Variants in DNAH10 observed in about 807,000 individuals in gnomAD.
The protein encoded by DNAH10 is dynein axonemal heavy chain 10.
A neutral mutation model predicts 506.6 loss-of-function variants in DNAH10; 348 were observed. The ratio of observed to expected loss-of-function variants is 0.69; its 90% confidence interval spans 0.63 to 0.75. The LOEUF is 0.75. Among genes scored for constraint, DNAH10 ranks in the 30% least tolerant of loss-of-function variants. The pLI, the probability that DNAH10 is intolerant of heterozygous loss-of-function variation, is 0.00. For synonymous variants in DNAH10, 2,059 were observed against 2,198.6 expected, an observed-to-expected ratio of 0.94 and a Z score of 1.78; for missense variants, 5,179 against 5,787.1, an observed-to-expected ratio of 0.89 and a Z score of 3.41.
chr12:123,932,637 A>G (rs4930720), intron 76 of DNAH10: 154,051 of 154,482 alleles, frequency 1, 76,813 homozygotes, highest in Non-Finnish European at 1. Flanking sequence ...GATGGTTCTT[A>G]GAAAGGCTGA....
rs369082437 is a variant in DNAH10, at chr12:123,841,448, G to T, written c.5263G>T (p.Val1755Leu). Residue 1755 changes from valine (V) to leucine (L), a missense_variant, in exon 30 of 79, where the codon GTG becomes TTG. Coordinates refer to ENST00000673944, the MANE Select transcript of DNAH10 (RefSeq NM_001372106.1). ...GAAGATCTTGCGGGCTGAAGGGCGC[G>T]TGGAGGACTGGATGACGGCAGTTTT... The part of the protein sequence containing the change: ...FRKILRAEGR[V>L]EDWMTAVLNE... 42 of 1,613,890 alleles carry T rather than the reference G, an allele frequency of 2.6e-5. No individual in the cohort carries two copies. Among genetic ancestry groups the T allele is most frequent in the Non-Finnish European group, 3.5e-5 (41 of 1,179,904 alleles).
intron 21 of DNAH10, among the ~76,000 whole-genome samples, chr12:123,815,815 G>C (rs1262556538): frequency 6.6e-6 from 1 of 152,146 alleles, no homozygotes; most frequent in Non-Finnish European, 1.5e-5. Flanking sequence ...TAGGCCATAT[G>C]GTAGAACCTA....
At chr12:123,794,311 T>G (rs994555372) in intron 12 of DNAH10, among the ~76,000 whole-genome samples, 199 bp downstream of exon 12, 1 of 152,222 alleles carries the variant, frequency 6.6e-6, no homozygotes, top group Non-Finnish European at 1.5e-5. Flanking sequence ...AAGAATTAAG[T>G]ATATTATGAT....
intron 51 of DNAH10, 45 bp from the exon 52 acceptor site, chr12:123,887,097 A>T: frequency 6.5e-7 from 1 of 1,545,628 alleles, no homozygotes; most frequent in Non-Finnish European, 8.7e-7. Context: ...CAGGGAAGGG[A>T]GGCTGGTGGT....
In DNAH10 at chr12:123,840,408, T is replaced by G. The variant is rs1478913914; in HGVS notation, c.5137-914T>G. Among the ~76,000 whole-genome samples the G allele has an allele frequency of 2.1e-5, 3 of 140,120 alleles. No individual in the cohort carries two copies. The East Asian group carries it at 6.1e-4, about 28-fold the overall frequency. 91.9% of individuals were successfully genotyped at this position (140,120 alleles called of 152,430 possible). A position where few individuals can be genotyped will look rare whatever the true frequency, so the allele number is the denominator to read the frequency against. On this transcript the variant is annotated intron_variant, in intron 29 of 78. Coordinates refer to ENST00000673944, the MANE Select transcript of DNAH10 (RefSeq NM_001372106.1). Reference sequence around the variant, plus strand: ...TTCTGTTTCCAGTTTTTTTTTTTTTTTTTTTTTTTTTTTTCAGACAGGGCG... The same window carrying G: ...TTCTGTTTCCAGTTTTTTTTTTTTTGTTTTTTTTTTTTTTCAGACAGGGCG...
At chr12:123,869,659 G>C (rs1257968478) in intron 43 of DNAH10, among the ~76,000 whole-genome samples, 1 of 152,142 alleles carries the variant, frequency 6.6e-6, no homozygotes, top group Non-Finnish European at 1.5e-5. Context: ...TCCTTTTACA[G>C]TGGAAGAGGC....
At chr12:123,782,998 T>G in intron 6 of DNAH10, 109 bp from the exon 7 acceptor site, 1 of 942,270 alleles carries the variant, frequency 1.1e-6, no homozygotes, top group Non-Finnish European at 1.7e-6. Flanking sequence ...CGTCAGACCT[T>G]ATTATACTGA....
Position 123,853,819 on chromosome 12 carries a change from C to T in DNAH10, c.6438+467C>T, listed in dbSNP as rs890909234. 6.6e-6 allele frequency among the ~76,000 whole-genome samples: 1 copy of T among 151,390 alleles called. No individual in the cohort carries two copies. The highest frequency in any genetic ancestry group is 2.4e-5 in the African/African-American group (1 of 40,974). The stretch of plus-strand genomic sequence containing the variant: ...GACTGTACTCAATGTTGCACGCACA[C>T]ACGCACGCACACACACGCACACGCA... On this transcript the variant is annotated intron_variant, in intron 36 of 78. Transcript: ENST00000673944. The surrounding 1 kb of genome is among the most constrained non-coding windows in gnomAD (Gnocchi z 4.7).
At position 123,919,837 on chromosome 12, in the gene DNAH10, C is replaced by T. The variant is rs1176363722; in HGVS notation, c.11506+888C>T. ...AGTCACATTCCATGTATGGACAGAC[C>T]GCACTGTGTTTATCCACCCGTCACC... On this transcript the variant is annotated intron_variant, in intron 65 of 78. Transcript: ENST00000673944. The surrounding 1 kb of genome is among the most constrained non-coding windows in gnomAD (Gnocchi z 4.9). Among the ~76,000 whole-genome samples the T allele has an allele frequency of 6.6e-6, 1 of 152,212 alleles. No individual in the cohort carries two copies. The highest frequency in any genetic ancestry group is 6.5e-5 in the Admixed American group (1 of 15,290).
intron 11 of DNAH10, among the ~76,000 whole-genome samples, chr12:123,792,363 A>G (rs1958109176): frequency 2.0e-5 from 3 of 151,988 alleles, no homozygotes; most frequent in African/African-American, 7.3e-5. Context: ...ATACTTAAAC[A>G]TATCAGTGCC....
At chr12:123,859,641 C>T (rs974583404) in intron 38 of DNAH10, among the ~76,000 whole-genome samples, 55 of 152,198 alleles carry the variant, frequency 3.6e-4, no homozygotes, top group African/African-American at 1.2e-3. Flanking sequence ...TTCGCAGTGG[C>T]CAGAAAACGA....
At chr12:123,764,391 C>CT (rs1203247035) in intron 1 of DNAH10, among the ~76,000 whole-genome samples, 1 of 152,066 alleles carries the variant, frequency 6.6e-6, no homozygotes, top group East Asian at 1.9e-4. Context: ...GATGTAGGCA[C>CT]TTTCATTGGC....
chr12:123,933,375 C>A lies in DNAH10; in HGVS notation c.13341C>A (p.His4447Gln). 6.2e-7 allele frequency: 1 copy of A among 1,608,556 alleles called. No individual in the cohort carries two copies. Among genetic ancestry groups the A allele is most frequent in the South Asian group, 1.1e-5 (1 of 90,490 alleles). ...EPSVMWLSGL[H>Q]IPESYLTALV... Reference sequence around the variant, plus strand: ...GCGTGATGTGGCTCTCGGGGCTGCACATCCCTGAGTCCTACCTCACGGCGC... The same window carrying A: ...GCGTGATGTGGCTCTCGGGGCTGCAAATCCCTGAGTCCTACCTCACGGCGC... The change falls in exon 77 of 79, where the codon CAC (histidine) becomes CAA (glutamine). Residue 4447 changes from histidine to glutamine, a missense_variant. Physicochemically the swap from His to Gln is conservative, Grantham distance 24. This residue lies in a region of DNAH10 where 4,844 missense variants were observed against 5,430.5 expected (regional missense o/e 0.89). Transcript: ENST00000673944.
chr12:123,767,073 T>C (rs1957075733), intron 1 of DNAH10, among the ~76,000 whole-genome samples: 1 of 151,636 alleles, frequency 6.6e-6, no homozygotes, highest in African/African-American at 2.4e-5. Context: ...ACCCAGCTAA[T>C]TTTTTTGTAT....
In DNAH10 at chr12:123,928,180, G is replaced by T. The variant is rs75564830; in HGVS notation, c.12106-207G>T. On this transcript the variant is annotated intron_variant, in intron 69 of 78. Transcript: ENST00000673944. The surrounding 1 kb of genome is among the most constrained non-coding windows in gnomAD (Gnocchi z 4.9). ...CTCACCCATCTTCCAGGCTGGGTGT[G>T]ACCAGCTCAGTGCACCCACGGGGCC... The T allele has an allele frequency of 5.3e-4, 327 of 619,600 alleles. 2 individuals carry two copies. In the East Asian group the frequency reaches 9.0e-3, roughly 17 times the overall value. The allele number at this position is 619,600 out of a possible 1,614,324, so 38.4% of individuals were successfully genotyped here.
chr12:123,918,610 G>GC (rs1333227931), intron 64 of DNAH10, 66 bp from the exon 65 acceptor site: 3 of 1,505,396 alleles, frequency 2.0e-6, no homozygotes, highest in Non-Finnish European at 2.7e-6. Flanking sequence ...CTGTCCCCCT[G>GC]CCCCTCCTGC....
At chr12:123,825,845 A>G (rs1028915679) in intron 24 of DNAH10, among the ~76,000 whole-genome samples, 2 of 152,210 alleles carry the variant, frequency 1.3e-5, no homozygotes, top group African/African-American at 4.8e-5. Flanking sequence ...AAAACAGGCC[A>G]GGTGTGGTGG....
At position 123,794,114 on chromosome 12, in the gene DNAH10, T is replaced by C; in HGVS notation, c.1986+2T>C. On this transcript the variant is annotated splice_donor_variant, in intron 12 of 78. Transcript: ENST00000673944. LOFTEE classifies it high-confidence loss of function. ...ATTCTTGCACAGTACTGTAAAGAGG[T>C]AATTGAAAAATCGATAGCTGCCATA... 1 of 1,180,938 alleles carries C rather than the reference T, an allele frequency of 8.5e-7. No individual in the cohort carries two copies. The highest frequency in any genetic ancestry group is 1.1e-6 in the Non-Finnish European group (1 of 930,764). The allele number at this position is 1,180,938 out of a possible 1,614,324, so 73.2% of individuals were successfully genotyped here.
chr12:123,914,231 C>A (rs188659773), intron 60 of DNAH10, 98 bp from the exon 61 acceptor site: 2 of 1,085,892 alleles, frequency 1.8e-6, no homozygotes, highest in Admixed American at 2.4e-5. Flanking sequence ...ATCTGGCTAG[C>A]CCTGTTAGCA....
Sources: gnomAD v4.1 joint callset for allele counts (sites outside exome capture counted in the v4.1 genomes callset) on GRCh38, gnomAD v4.1.1 for gene constraint, gnomAD v4.1.1 regional missense constraint, Gnocchi (gnomAD v3.1) non-coding constraint, MANE v1.5 for transcripts, NCBI Gene and HGNC (gene_info 2026-07-23, HGNC 2026-07-21) for gene names.